Variants in SFSWAP observed in about 807,000 individuals in gnomAD.
SFSWAP encodes the protein splicing factor SWAP, also known as splicing factor, suppressor of white-apricot homolog.
A neutral mutation model predicts 100.7 loss-of-function variants in SFSWAP; 17 were observed. The ratio of observed to expected loss-of-function variants is 0.17; its 90% confidence interval spans 0.12 to 0.25. The LOEUF is 0.25. Among genes scored for constraint, SFSWAP ranks in the 10% least tolerant of loss-of-function variants. The pLI is 1.00. For synonymous variants in SFSWAP, 504 were observed against 510.1 expected (o/e 0.99, Z 0.16); for missense variants, 1,005 against 1,262.6 (o/e 0.80, Z 3.09).
intron 13 of SFSWAP, among the ~76,000 whole-genome samples, chr12:131,769,075 C>T (rs1883359578): frequency 6.6e-6 from 1 of 150,900 alleles, no homozygotes; most frequent in Non-Finnish European, 1.5e-5. Context: ...TGCAGTGAGC[C>T]AAGACTGCAC....
chr12:131,714,316 AT>A lies in SFSWAP; in HGVS notation c.388+83del. The A allele has an allele frequency of 9.1e-6, 11 of 1,208,812 alleles. No homozygotes were observed. The highest frequency in any genetic ancestry group is 1.3e-5 in the Non-Finnish European group (11 of 857,556). 74.9% of individuals were successfully genotyped at this position (1,208,812 alleles called of 1,614,324 possible). On this transcript the variant is annotated intron_variant, in intron 2 of 17. Transcript: ENST00000261674. The surrounding 1 kb of genome is among the most constrained non-coding windows in gnomAD (Gnocchi z 6.0). ...AGTATTTAAAAATTTACTCCCATTC[AT>A]TTTTTTATACTCACTCTTTCTGATA...
chr12:131,711,587 C>T lies in SFSWAP; in HGVS notation c.218+140C>T, dbSNP rs1593100242. The T allele has an allele frequency of 4.4e-6, 3 of 688,818 alleles. No homozygotes were observed. The highest frequency in any genetic ancestry group is 2.6e-5 in the Admixed American group (1 of 38,876). The allele number at this position is 688,818 out of a possible 1,614,324, so 42.7% of individuals were successfully genotyped here. A position where few individuals can be genotyped will look rare whatever the true frequency, so the allele number is the denominator to read the frequency against. On this transcript the variant is annotated intron_variant, in intron 1 of 17. Transcript: ENST00000261674. The surrounding 1 kb of genome is among the most constrained non-coding windows in gnomAD (Gnocchi z 4.9). ...GGGGACACCCCCTCCCCTGTCCCCA[C>T]CTCCTCCTGGTGTTCTGGTGGGGAG...
At chr12:131,762,879 G>C (rs1000890587) in intron 11 of SFSWAP, among the ~76,000 whole-genome samples, 5 of 152,148 alleles carry the variant, frequency 3.3e-5, no homozygotes, top group Non-Finnish European at 7.3e-5. Flanking sequence ...GATTACAGGC[G>C]TAAGCCACTG....
At chr12:131,793,089 A>T (rs968164005) in intron 15 of SFSWAP, among the ~76,000 whole-genome samples, 2 of 151,870 alleles carry the variant, frequency 1.3e-5, no homozygotes, top group Admixed American at 6.6e-5. Flanking sequence ...GAGAAAGGAA[A>T]GTCTTTTTTT....
rs1220953402 is a variant in SFSWAP at position 131,714,882 on chromosome 12, G to A, written c.449G>A (p.Gly150Glu). The A allele has an allele frequency of 6.2e-7, 1 of 1,614,140 alleles. No individual in the cohort carries two copies. The highest frequency in any genetic ancestry group is 2.2e-5 in the East Asian group (1 of 44,880). ...LAEDGSYNAV[G>E]FTYGSDYYDP... ...GAGGATGGGAGCTACAATGCCGTGG[G>A]GTTCACTTACGGTAGCGACTATTAC... The change falls in exon 3 of 18, where the codon GGG becomes GAG. Residue 150 changes from glycine (G) to glutamate (E), a missense_variant. Gly to Glu is a moderately conservative substitution (Grantham distance 98). Around this residue, in one of 7 missense-constraint regions of SFSWAP, gnomAD observed 237 missense variants for 337.0 expected, o/e 0.70. Coordinates refer to ENST00000261674, the MANE Select transcript of SFSWAP (RefSeq NM_004592.4). This position sits in a 1 kb window ranked among gnomAD's most constrained non-coding sequence, Gnocchi z 6.0.
At chr12:131,793,810 G>A (rs111256241) in intron 15 of SFSWAP, among the ~76,000 whole-genome samples, 2 of 152,252 alleles carry the variant, frequency 1.3e-5, no homozygotes, top group African/African-American at 2.4e-5. Flanking sequence ...CACATGGAAA[G>A]ATGTGGAACG....
chr12:131,741,687 G>A (rs114653263), intron 7 of SFSWAP, among the ~76,000 whole-genome samples: 1,899 of 151,598 alleles, frequency 0.013, 46 homozygotes, highest in African/African-American at 0.042. Context: ...GCTGATGGCT[G>A]TACAAGAACA....
intron 4 of SFSWAP, among the ~76,000 whole-genome samples, chr12:131,724,920 G>C (rs1178052166): frequency 6.6e-6 from 1 of 152,312 alleles, no homozygotes; most frequent in Admixed American, 6.5e-5. Context: ...TGTGGCTTTT[G>C]TTGGATGTCC....
intron 7 of SFSWAP, among the ~76,000 whole-genome samples, chr12:131,743,979 GC>G (rs1342734575): frequency 6.6e-6 from 1 of 152,202 alleles, no homozygotes; most frequent in East Asian, 1.9e-4. Flanking sequence ...CTGTACCTTG[GC>G]CCCTTTTAGT....
chr12:131,735,192 C>T (rs1028327142), intron 7 of SFSWAP, among the ~76,000 whole-genome samples: 7 of 152,136 alleles, frequency 4.6e-5, no homozygotes, highest in Non-Finnish European at 1.0e-4. Context: ...CCCACAACCT[C>T]CCCCAGCGAT....
chr12:131,743,565 T>TACAAGAGCCCAA (rs1880853724), intron 7 of SFSWAP, among the ~76,000 whole-genome samples: 16 of 152,286 alleles, frequency 1.1e-4, no homozygotes, highest in Admixed American at 1.0e-3. Context: ...TCCGCGCCTG[T>TACAAGAGCCCAA]GGCTCTGCAG....
chr12:131,728,472 G>GT, intron 7 of SFSWAP, 44 bp downstream of exon 7: 1 of 1,592,894 alleles, frequency 6.3e-7, no homozygotes, highest in Non-Finnish European at 8.6e-7. Context: ...TCAGCTGCCT[G>GT]TGACAGAGCC....
intron 12 of SFSWAP, among the ~76,000 whole-genome samples, chr12:131,765,715 G>A (rs994275215): frequency 6.6e-6 from 1 of 152,006 alleles, no homozygotes; most frequent in South Asian, 2.1e-4. Context: ...TTGTGCTGTG[G>A]TGTTCTCCCT....
chr12:131,797,445 A>G (rs1441739586), intron 16 of SFSWAP, 85 bp downstream of exon 16: 14 of 1,240,850 alleles, frequency 1.1e-5, no homozygotes, highest in Middle Eastern at 5.6e-4. Flanking sequence ...GTCCTTGCCT[A>G]TGTCAGTACT....
intron 13 of SFSWAP, among the ~76,000 whole-genome samples, chr12:131,769,787 C>G (rs570861584): frequency 6.6e-6 from 1 of 152,158 alleles, no homozygotes; most frequent in South Asian, 2.1e-4. Context: ...CCACCACGCC[C>G]GGCTAATTTT....
chr12:131,718,052 C>T (rs1035788695), intron 3 of SFSWAP, among the ~76,000 whole-genome samples: 1 of 152,158 alleles, frequency 6.6e-6, no homozygotes, highest in African/African-American at 2.4e-5. Flanking sequence ...CCACTGAGCC[C>T]GGCTTCATCT....
intron 1 of SFSWAP, chr12:131,713,075 T>G (rs1354636070): frequency 6.6e-6 from 1 of 152,226 alleles, no homozygotes. Context: ...TAAATGTCTT[T>G]TTTGGTCTAC....
Position 131,799,518 on chromosome 12 carries a change from G to A in SFSWAP, c.*30G>A, listed in dbSNP as rs1405719406. 2 of 1,605,166 alleles carry A rather than the reference G, an allele frequency of 1.2e-6. No individual in the cohort carries two copies. Among genetic ancestry groups the A allele is most frequent in the Non-Finnish European group, 1.7e-6 (2 of 1,173,556 alleles). ...GGGCCAGCGGAGGCAGAGCCGGGAG[G>A]CTGCGTGGGCTTCTGGGCAGGCTCA... On this transcript the variant is annotated 3_prime_UTR_variant, in exon 18 of 18. Coordinates refer to ENST00000261674, the MANE Select transcript of SFSWAP (RefSeq NM_004592.4).
At position 131,719,506 on chromosome 12, in the gene SFSWAP, C is replaced by T; in HGVS notation, c.573C>T (p.Pro191=). Residue 191 remains proline (P), a synonymous_variant, in exon 4 of 18, where the codon CCC becomes CCT. Transcript: ENST00000261674. ...LEENEEPFVA[P]LGLSVPSDVE... is the part of the protein sequence containing the mutation. ...AAAATGAAGAGCCCTTCGTTGCCCC[C>T]TTAGGATTGAGCGTCCCGTCTGACG... is the stretch of plus-strand genomic sequence containing the variant. The T allele has an allele frequency of 8.7e-6, 14 of 1,614,130 alleles. No individual in the cohort carries two copies. The highest frequency in any genetic ancestry group is 1.1e-5 in the Non-Finnish European group (13 of 1,179,996).
Sources: allele counts gnomAD v4.1 joint callset (sites outside exome capture counted in the v4.1 genomes callset), GRCh38; gene constraint gnomAD v4.1.1; regional missense constraint gnomAD v4.1.1; non-coding constraint Gnocchi (gnomAD v3.1); transcripts MANE v1.5; gene names NCBI Gene and HGNC (gene_info 2026-07-23, HGNC 2026-07-21).